KIF16B: variants seen among roughly 807,000 people sequenced by gnomAD.
KIF16B encodes the protein kinesin-like protein KIF16B.
Under a neutral mutation model 156.3 loss-of-function variants are expected in KIF16B, and 98 were observed. The ratio of observed to expected loss-of-function variants is 0.63; its 90% CI spans 0.53 to 0.74. The LOEUF (loss-of-function observed/expected upper bound fraction) is 0.74, where lower values mean the gene tolerates loss of function less well. Ranked by LOEUF, KIF16B falls within the 30% of genes least tolerant of loss-of-function variation. The probability of loss-of-function intolerance (pLI) is 0.00; values close to 1 mark genes in which losing one functional copy is unlikely to be tolerated. For missense variants in KIF16B, 1,421 were observed against 1,606.5 expected (o/e 0.88, Z 1.97); for synonymous variants, 564 against 583.7 (o/e 0.97, Z 0.49).
At chr20:16,406,009 T>C (rs998154866) in intron 16 of KIF16B, among the ~76,000 whole-genome samples, 9 of 152,172 alleles carry the variant, frequency 5.9e-5, no homozygotes, top group African/African-American at 2.2e-4. Flanking sequence ...TTACTGTGGC[T>C]GATTTTGGAT....
intron 15 of KIF16B, among the ~76,000 whole-genome samples, chr20:16,425,977 A>G (rs781182924): frequency 7.2e-5 from 11 of 152,182 alleles, no homozygotes; most frequent in Non-Finnish European, 1.3e-4. Context: ...TCATGGAGAC[A>G]GGAGAGGGGG....
At chr20:16,360,960 T>C (rs1018560612) in intron 22 of KIF16B, among the ~76,000 whole-genome samples, 1 of 152,268 alleles carries the variant, frequency 6.6e-6, no homozygotes, top group South Asian at 2.1e-4. Context: ...TCATTAACAG[T>C]TGTCCCTAAA....
rs150110268 is a variant in KIF16B at position 16,515,685 on chromosome 20, A to G, written c.232-21T>C. ...AAAACCTGAAAGCCAAAAAGAACAC[A>G]CAAAAGATACAATTATCATAGATTT... On this transcript the variant is annotated intron_variant, in intron 3 of 25. Coordinates refer to ENST00000354981, the MANE Select transcript of KIF16B (RefSeq NM_024704.5). The G allele has an allele frequency of 9.2e-4, 1,170 of 1,267,304 alleles. 12 individuals are homozygous for G. The African/African-American group carries it at 0.014, about 15-fold the overall frequency. 78.5% of individuals were successfully genotyped at this position (1,267,304 alleles called of 1,614,324 possible).
intron 17 of KIF16B, among the ~76,000 whole-genome samples, chr20:16,400,387 T>G (rs1239233546): frequency 1.3e-5 from 2 of 152,192 alleles, no homozygotes; most frequent in South Asian, 2.1e-4. Context: ...ATGGAGAAAC[T>G]GGAACCCTTG....
chr20:16,535,022 T>C (rs1003780701), intron 1 of KIF16B, among the ~76,000 whole-genome samples: 2 of 151,398 alleles, frequency 1.3e-5, no homozygotes, highest in African/African-American at 4.8e-5. Flanking sequence ...TTTTTTTTTA[T>C]TTCTCTGAAA....
intron 1 of KIF16B, among the ~76,000 whole-genome samples, chr20:16,551,013 C>T (rs565035784): frequency 5.2e-4 from 79 of 152,196 alleles, no homozygotes; most frequent in Non-Finnish European, 4.3e-4. Flanking sequence ...AATAATCAAG[C>T]TTACTTTGAA....
chr20:16,470,661 CTTTTTTT>C (rs1247299482), intron 12 of KIF16B, among the ~76,000 whole-genome samples: 158 of 136,782 alleles, frequency 1.2e-3, no homozygotes, highest in Non-Finnish European at 2.0e-3. Flanking sequence ...TTCTTTTTTT[CTTTTTTT>C]TTTTTTTTGG....
intron 14 of KIF16B, among the ~76,000 whole-genome samples, chr20:16,428,487 A>C (rs2146428771): frequency 6.6e-6 from 1 of 152,278 alleles, no homozygotes; most frequent in South Asian, 2.1e-4. Flanking sequence ...AGGAAACCTA[A>C]AAAGCCATGC....
chr20:16,480,074 T>C (rs761843227), intron 12 of KIF16B, among the ~76,000 whole-genome samples: 3 of 152,176 alleles, frequency 2.0e-5, no homozygotes, highest in African/African-American at 7.2e-5. Flanking sequence ...GCTGGAGGTA[T>C]GGGTGTGCTT....
At chr20:16,456,345 T>C (rs2067212491) in intron 12 of KIF16B, among the ~76,000 whole-genome samples, 1 of 152,182 alleles carries the variant, frequency 6.6e-6, no homozygotes. Flanking sequence ...GTCTTTGCAA[T>C]AGATTGCTTT....
In KIF16B at chr20:16,289,799, C is replaced by T. The variant is rs528249404; in HGVS notation, c.3796-16388G>A. Among the ~76,000 whole-genome samples, 6 of 152,300 alleles carry T rather than the reference C, an allele frequency of 3.9e-5. No individual in the cohort carries two copies. In the East Asian group the frequency reaches 1.2e-3, roughly 29 times the overall value. On this transcript the variant is annotated intron_variant, in intron 25 of 25. Coordinates refer to ENST00000354981, the MANE Select transcript of KIF16B (RefSeq NM_024704.5). Reference sequence around the variant, plus strand: ...GAGGCTGCAGTGAGCCGAGATTGAGCCACTGCACTCCAACCTGGGTGACAG... The same window carrying T: ...GAGGCTGCAGTGAGCCGAGATTGAGTCACTGCACTCCAACCTGGGTGACAG...
intron 12 of KIF16B, among the ~76,000 whole-genome samples, chr20:16,437,509 A>G (rs188998871): frequency 4.3e-4 from 65 of 152,344 alleles, no homozygotes; most frequent in Non-Finnish European, 6.8e-4. Context: ...GGATGGGATT[A>G]GAATGGAAGT....
intron 1 of KIF16B, among the ~76,000 whole-genome samples, chr20:16,567,168 C>T (rs535956461): frequency 1.3e-5 from 2 of 152,134 alleles, no homozygotes; most frequent in Admixed American, 6.6e-5. Flanking sequence ...TGACCTTGGG[C>T]GGTCTTATTT....
intron 2 of KIF16B, 121 bp from the exon 3 acceptor site, chr20:16,526,326 A>G (rs6044072): frequency 2.2e-6 from 1 of 450,138 alleles, no homozygotes; most frequent in Non-Finnish European, 3.9e-6. Flanking sequence ...CTAAAAAAAT[A>G]AATAAATAAA....
At chr20:16,355,171 C>T (rs991921110) in intron 23 of KIF16B, among the ~76,000 whole-genome samples, 2 of 152,042 alleles carry the variant, frequency 1.3e-5, no homozygotes, top group African/African-American at 4.8e-5. Context: ...TCCTCAGAGC[C>T]CAGGGCTGCC....
intron 12 of KIF16B, among the ~76,000 whole-genome samples, chr20:16,483,600 CA>C (rs2068037935): frequency 6.6e-6 from 1 of 152,188 alleles, no homozygotes; most frequent in African/African-American, 2.4e-5. Context: ...ATGTGCTGGA[CA>C]CTGCCCTCAG....
intron 23 of KIF16B, among the ~76,000 whole-genome samples, chr20:16,354,945 C>CA (rs956456238): frequency 2.8e-4 from 41 of 144,248 alleles, no homozygotes; most frequent in East Asian, 8.0e-4. Flanking sequence ...GACTCCATCT[C>CA]AAAAAAAAAA....
intron 23 of KIF16B, among the ~76,000 whole-genome samples, chr20:16,342,108 G>T (rs2064150342): frequency 6.6e-6 from 1 of 151,970 alleles, no homozygotes; most frequent in Non-Finnish European, 1.5e-5. Context: ...CTTTCTCCCT[G>T]GAAGAATCAT....
chr20:16,439,541 C>A (rs1026699462), intron 12 of KIF16B, among the ~76,000 whole-genome samples: 2 of 152,290 alleles, frequency 1.3e-5, no homozygotes, highest in African/African-American at 4.8e-5. Context: ...CTGGAAAATT[C>A]TCCCCTAAAT....
Sources: allele counts gnomAD v4.1 joint callset (sites outside exome capture counted in the v4.1 genomes callset), GRCh38; gene constraint gnomAD v4.1.1; transcripts MANE v1.5; gene names NCBI Gene and HGNC (gene_info 2026-07-23, HGNC 2026-07-21).